CALN1: variants seen among roughly 807,000 people sequenced by gnomAD.
The protein encoded by CALN1 is calneuron 1.
A neutral mutation model predicts 30.6 loss-of-function variants in CALN1; 17 were observed. That is an observed-to-expected ratio of 0.56 (90% CI 0.38 to 0.83). CALN1 has a LOEUF of 0.83. Ranked by LOEUF, CALN1 falls within the 40% of genes least tolerant of loss-of-function variation. CALN1 has a pLI of 0.00. For missense variants in CALN1, 291 were observed against 354.9 expected (o/e 0.82, Z 1.45); for synonymous variants, 156 against 131.4 (o/e 1.19, Z -1.28).
chr7:71,996,265 T>C (rs1177584014), intron 5 of CALN1, among the ~76,000 whole-genome samples: 1 of 152,178 alleles, frequency 6.6e-6, no homozygotes, highest in East Asian at 1.9e-4. Flanking sequence ...ATATCTGCGA[T>C]AATAATAGAA....
chr7:71,859,205 G>C (rs1791129778), intron 5 of CALN1, among the ~76,000 whole-genome samples: 1 of 152,076 alleles, frequency 6.6e-6, no homozygotes, highest in Admixed American at 6.6e-5. Context: ...TGGGATTACA[G>C]GCATGTACCA....
chr7:72,409,100 A>G (rs1320252722), intron 1 of CALN1, among the ~76,000 whole-genome samples: 4 of 151,234 alleles, frequency 2.6e-5, no homozygotes, highest in Admixed American at 2.0e-4. Flanking sequence ...GATTCAAGAG[A>G]TTCTCCTGAC....
At chr7:72,465,897 T>A in the CALN1 span, among the ~76,000 whole-genome samples, 3 of 152,040 alleles carry the variant, frequency 2.0e-5, no homozygotes, top group African/African-American at 7.2e-5. Flanking sequence ...GACAGTGAAA[T>A]GAATGGGGAC....
chr7:72,329,091 C>T (rs144670602), intron 2 of CALN1, among the ~76,000 whole-genome samples: 118 of 152,364 alleles, frequency 7.7e-4, no homozygotes, highest in African/African-American at 2.7e-3. Flanking sequence ...CAGCTTTGGA[C>T]AAGCATTGTT....
rs1798089617 is a variant in CALN1 at position 72,286,517 on chromosome 7, A to G, written c.120-7707T>C. Among the ~76,000 whole-genome samples, 4 of 152,256 alleles carry G rather than the reference A, an allele frequency of 2.6e-5. No individual in the cohort carries two copies. In the South Asian group the frequency reaches 6.2e-4, roughly 24 times the overall value. ...GAAAAAACTGCAGAAGGCCTCAAAT[A>G]ACCCAGAAATATATATGTCTTCCTC... On this transcript the variant is annotated intron_variant, in intron 2 of 6. Transcript: ENST00000395275.
At chr7:72,111,910 C>T (rs144442477) in intron 3 of CALN1, among the ~76,000 whole-genome samples, 1,771 of 152,108 alleles carry the variant, frequency 0.012, 21 homozygotes, top group Middle Eastern at 0.02. Flanking sequence ...ACCATCACGA[C>T]GGCTAATTTT....
chr7:72,390,202 G>A (rs192416651), intron 2 of CALN1, among the ~76,000 whole-genome samples: 6 of 152,086 alleles, frequency 3.9e-5, no homozygotes, highest in East Asian at 1.9e-4. Flanking sequence ...AGGCCGAGGC[G>A]GGTGAATCAT....
intron 5 of CALN1, among the ~76,000 whole-genome samples, chr7:71,932,589 G>A (rs58821237): frequency 0.024 from 3,640 of 152,002 alleles, 159 homozygotes; most frequent in African/African-American, 0.08. Context: ...CGAGGCGGGC[G>A]GATCACAACG....
intron 2 of CALN1, among the ~76,000 whole-genome samples, chr7:72,316,627 T>C (rs1403231910): frequency 2.6e-5 from 4 of 152,260 alleles, no homozygotes; most frequent in South Asian, 2.1e-4. Context: ...ACAAACCTTT[T>C]ACTTATGCAC....
intron 5 of CALN1, among the ~76,000 whole-genome samples, chr7:72,004,497 C>A (rs1799673735): frequency 1.3e-5 from 2 of 152,116 alleles, no homozygotes; most frequent in South Asian, 4.1e-4. Context: ...AGACTTGACA[C>A]TAAAATCACA....
At chr7:72,095,290 T>C (rs917958892) in intron 4 of CALN1, among the ~76,000 whole-genome samples, 5 of 152,202 alleles carry the variant, frequency 3.3e-5, no homozygotes, top group African/African-American at 1.2e-4. Flanking sequence ...ATGAAAACTC[T>C]GCATGCATTA....
chr7:72,286,565 G>A (rs892066075), intron 2 of CALN1, among the ~76,000 whole-genome samples: 1 of 152,150 alleles, frequency 6.6e-6, no homozygotes, highest in Non-Finnish European at 1.5e-5. Flanking sequence ...CTACATGGTG[G>A]GCACAAGAAG....
intron 2 of CALN1, among the ~76,000 whole-genome samples, chr7:72,346,832 AAC>A (rs1377208823): frequency 6.6e-6 from 1 of 152,194 alleles, no homozygotes; most frequent in Non-Finnish European, 1.5e-5. Flanking sequence ...GTTTATTTTT[AAC>A]ACAGAATAAA....
intron 5 of CALN1, among the ~76,000 whole-genome samples, chr7:72,013,112 C>A (rs1308709916): frequency 6.6e-6 from 1 of 152,076 alleles, no homozygotes; most frequent in Non-Finnish European, 1.5e-5. Flanking sequence ...TTTATACTCT[C>A]ATATCAACTT....
intron 5 of CALN1, among the ~76,000 whole-genome samples, chr7:71,867,367 C>T (rs1562855412): frequency 6.6e-6 from 1 of 152,064 alleles, no homozygotes; most frequent in African/African-American, 2.4e-5. Context: ...CAGAATTTGA[C>T]CACATGTAGG....
chr7:72,023,328 G>C (rs187078106), intron 5 of CALN1, among the ~76,000 whole-genome samples: 29 of 152,242 alleles, frequency 1.9e-4, no homozygotes, highest in Non-Finnish European at 3.2e-4. Flanking sequence ...AAGATATCCC[G>C]GAACTGGGGT....
chr7:72,011,718 C>CAGGCTGG (rs1800092357), intron 5 of CALN1, among the ~76,000 whole-genome samples: 1 of 152,170 alleles, frequency 6.6e-6, no homozygotes, highest in African/African-American at 2.4e-5. Context: ...CTCTGACACC[C>CAGGCTGG]AGGCTGGAGT....
intron 5 of CALN1, among the ~76,000 whole-genome samples, chr7:71,903,458 T>C (rs1175091088): frequency 6.6e-6 from 1 of 152,130 alleles, no homozygotes; most frequent in Non-Finnish European, 1.5e-5. Flanking sequence ...GGGGAAAGAA[T>C]AGTCTCTTCA....
chr7:72,396,760 C>T (rs1805988915), intron 2 of CALN1, among the ~76,000 whole-genome samples: 1 of 152,116 alleles, frequency 6.6e-6, no homozygotes, highest in Non-Finnish European at 1.5e-5. Flanking sequence ...ATTCTTAAGA[C>T]AAGTGAGTCG....
Sources: allele counts gnomAD v4.1 joint callset (sites outside exome capture counted in the v4.1 genomes callset), GRCh38; gene constraint gnomAD v4.1.1; transcripts MANE v1.5; gene names NCBI Gene and HGNC (gene_info 2026-07-23, HGNC 2026-07-21).